The following CSMD1 variants were observed in gnomAD, a reference collection of about 807,000 sequenced individuals.
The protein encoded by CSMD1 is CUB and Sushi multiple domains 1.
Under a neutral mutation model 417.5 loss-of-function variants are expected in CSMD1, and 213 were observed. The ratio of observed to expected loss-of-function variants is 0.51; its 90% CI spans 0.46 to 0.57. The LOEUF (loss-of-function observed/expected upper bound fraction) is 0.57, where lower values mean the gene tolerates loss of function less well. Among genes scored for constraint, CSMD1 ranks in the 20% least tolerant of loss-of-function variants. The pLI, the probability that CSMD1 is intolerant of heterozygous loss-of-function variation, is 0.00. For synonymous variants in CSMD1, 2,862 were observed against 1,736.8 expected (o/e 1.65, Z -16.11); for missense variants, 6,923 against 4,529.7 (o/e 1.53, Z -15.17).
intron 2 of CSMD1, among the ~76,000 whole-genome samples, chr8:4,585,997 G>A (rs904594250): frequency 1.3e-5 from 2 of 152,090 alleles, no homozygotes; most frequent in Non-Finnish European, 2.9e-5. Context: ...AACTTTTAAT[G>A]ACTATTTTCA....
chr8:3,963,260 A>G (rs981162997), intron 5 of CSMD1, among the ~76,000 whole-genome samples: 7 of 152,166 alleles, frequency 4.6e-5, no homozygotes, highest in Admixed American at 3.9e-4. Context: ...TAATTGTAAT[A>G]ATTACGAGTT....
intron 3 of CSMD1, among the ~76,000 whole-genome samples, chr8:4,237,452 A>G (rs1315814032): frequency 1.3e-5 from 2 of 152,170 alleles, no homozygotes; most frequent in Non-Finnish European, 2.9e-5. Flanking sequence ...CCTAAACGGT[A>G]AGAGCTTTGA....
At chr8:4,426,381 GTATA>G (rs1329922599) in intron 2 of CSMD1, among the ~76,000 whole-genome samples, 5 of 149,196 alleles carry the variant, frequency 3.4e-5, no homozygotes, top group African/African-American at 7.3e-5. Context: ...TTTGTATGTA[GTATA>G]TATAGTAAAC....
intron 3 of CSMD1, among the ~76,000 whole-genome samples, chr8:4,117,687 C>A (rs1032066653): frequency 1.3e-5 from 2 of 152,284 alleles, no homozygotes; most frequent in East Asian, 3.9e-4. Context: ...ATACCTGACA[C>A]TGGCCTTCTC....
intron 1 of CSMD1, among the ~76,000 whole-genome samples, chr8:4,983,845 G>C (rs1310277941): frequency 1.3e-5 from 2 of 151,786 alleles, no homozygotes; most frequent in Admixed American, 1.3e-4. Context: ...ACATATGATA[G>C]AACTAGAAGT....
intron 8 of CSMD1, among the ~76,000 whole-genome samples, chr8:3,591,680 G>C (rs1485055731): frequency 6.6e-6 from 1 of 152,120 alleles, no homozygotes. Flanking sequence ...CCAATAGATA[G>C]ATGAGAGATA....
chr8:4,021,721 C>T (rs1796798651), intron 4 of CSMD1, among the ~76,000 whole-genome samples: 1 of 152,114 alleles, frequency 6.6e-6, no homozygotes, highest in East Asian at 1.9e-4. Context: ...TGTATTGTTG[C>T]AATATCCCTT....
intron 5 of CSMD1, among the ~76,000 whole-genome samples, chr8:3,769,698 G>A (rs1798469033): frequency 6.6e-6 from 1 of 152,032 alleles, no homozygotes; most frequent in Admixed American, 6.6e-5. Flanking sequence ...TGAATTCTGT[G>A]AACTATTCCA....
intron 1 of CSMD1, among the ~76,000 whole-genome samples, chr8:4,768,813 G>A (rs1411338080): frequency 1.3e-5 from 2 of 152,254 alleles, no homozygotes; most frequent in East Asian, 3.9e-4. Context: ...TAAAACAAAT[G>A]GAAATAGAAG....
chr8:3,929,412 A>G (rs530567705), intron 5 of CSMD1, among the ~76,000 whole-genome samples: 1 of 150,456 alleles, frequency 6.6e-6, no homozygotes, highest in African/African-American at 2.5e-5. Flanking sequence ...TGTAATTTCA[A>G]CCTTCCCCAC....
chr8:3,235,562 A>T lies in CSMD1; in HGVS notation c.4154-5331T>A, dbSNP rs1434938569. ...GATTAAAGGCTCAGAGCTGTACCAC[A>T]GTAAAAAACTTCTAAAAATCATTGT... On this transcript the variant is annotated intron_variant, in intron 26 of 69. Transcript: ENST00000635120. 3.9e-5 allele frequency among the ~76,000 whole-genome samples: 6 copies of T among 152,328 alleles called. No individual in the cohort carries two copies. In the South Asian group the frequency reaches 1.2e-3, roughly 32 times the overall value.
At position 3,924,429 on chromosome 8, in the gene CSMD1, C is replaced by G. The variant is rs1015506421; in HGVS notation, c.818+73474G>C. Among the ~76,000 whole-genome samples the G allele has an allele frequency of 2.6e-5, 4 of 152,238 alleles. No homozygotes were observed. In the South Asian group the frequency reaches 6.2e-4, roughly 24 times the overall value. On this transcript the variant is annotated intron_variant, in intron 5 of 69. Coordinates refer to ENST00000635120, the MANE Select transcript of CSMD1 (RefSeq NM_033225.6). ...CATTTCCCTCTCCAGATTTGGAAAG[C>G]TTTTGTCATTATTCCTCTAAGAAAT...
intron 47 of CSMD1, among the ~76,000 whole-genome samples, chr8:3,093,366 G>C (rs1156681224): frequency 1.3e-5 from 2 of 152,088 alleles, no homozygotes; most frequent in Non-Finnish European, 2.9e-5. Context: ...AGAATTGTGA[G>C]AACATAAATT....
intron 10 of CSMD1, among the ~76,000 whole-genome samples, chr8:3,508,891 G>A (rs1406006781): frequency 6.6e-6 from 1 of 152,162 alleles, no homozygotes; most frequent in South Asian, 2.1e-4. Context: ...CCATGAGACA[G>A]GAATGATCCA....
At position 3,468,936 on chromosome 8, in the gene CSMD1, G is replaced by C. The variant is rs899191758; in HGVS notation, c.1449-112C>G. Reference sequence around the variant, plus strand: ...CAGCCAAACCCTAGATATATAGGTAGCAAGACCCTCTTTCAAAGACTGTAC... The same window carrying C: ...CAGCCAAACCCTAGATATATAGGTACCAAGACCCTCTTTCAAAGACTGTAC... On this transcript the variant is annotated intron_variant, in intron 11 of 69. Coordinates refer to ENST00000635120, the MANE Select transcript of CSMD1 (RefSeq NM_033225.6). 5 of 626,498 alleles carry C rather than the reference G, an allele frequency of 8.0e-6. No homozygotes were observed. The East Asian group carries it at 8.4e-5, about 11-fold the overall frequency. 38.8% of individuals were successfully genotyped at this position (626,498 alleles called of 1,614,324 possible). A position where few individuals can be genotyped will look rare whatever the true frequency, so the allele number is the denominator to read the frequency against.
chr8:3,774,036 C>T (rs1216725200), intron 5 of CSMD1, among the ~76,000 whole-genome samples: 2 of 152,134 alleles, frequency 1.3e-5, no homozygotes, highest in Non-Finnish European at 2.9e-5. Context: ...ACCTATCTTT[C>T]ATTCTTGGGC....
At chr8:3,443,673 T>C (rs977570781) in intron 12 of CSMD1, among the ~76,000 whole-genome samples, 3 of 152,156 alleles carry the variant, frequency 2.0e-5, no homozygotes, top group Non-Finnish European at 2.9e-5. Context: ...TATATCACAA[T>C]AAAACAAAAT....
intron 35 of CSMD1, 60 bp from the exon 36 acceptor site, chr8:3,188,025 A>G (rs1796166124): frequency 7.3e-7 from 1 of 1,362,406 alleles, no homozygotes; most frequent in African/African-American, 1.4e-5. Flanking sequence ...TAGTCTAATT[A>G]GATGGGGTTT....
intron 11 of CSMD1, among the ~76,000 whole-genome samples, chr8:3,476,053 G>A (rs1338345004): frequency 2.0e-5 from 3 of 152,294 alleles, no homozygotes; most frequent in Admixed American, 6.5e-5. Flanking sequence ...TGAAATACAT[G>A]TGTTAAGGGC....
Sources: gnomAD v4.1 joint callset for allele counts (sites outside exome capture counted in the v4.1 genomes callset) on GRCh38, gnomAD v4.1.1 for gene constraint, MANE v1.5 for transcripts, NCBI Gene and HGNC (gene_info 2026-07-23, HGNC 2026-07-21) for gene names.